The following PTPRD variants were observed in gnomAD, a reference collection of about 807,000 sequenced individuals.
PTPRD encodes the protein receptor-type tyrosine-protein phosphatase delta.
In PTPRD, 34 loss-of-function variants were observed where a neutral mutation model predicts 214.5. The observed-to-expected ratio is 0.16, with a 90% CI of 0.12 to 0.21. The LOEUF is 0.21. PTPRD is among the 10% of genes least tolerant of loss of function. PTPRD has a pLI of 1.00. For missense variants in PTPRD, 2,545 were observed against 2,398.7 expected (o/e 1.06, Z -1.27); for synonymous variants, 1,128 against 845.7 (o/e 1.33, Z -5.79).
chr9:8,668,883 T>C (rs2097220732), intron 12 of PTPRD, among the ~76,000 whole-genome samples: 1 of 152,130 alleles, frequency 6.6e-6, no homozygotes, highest in African/African-American at 2.4e-5. Context: ...CAGAAGCTTG[T>C]GGGAACAATT....
chr9:9,676,952 C>T (rs201205221), intron 7 of PTPRD, among the ~76,000 whole-genome samples: 26 of 152,108 alleles, frequency 1.7e-4, no homozygotes, highest in African/African-American at 3.4e-4. Context: ...TCATATCCTT[C>T]GCCCACTTGT....
intron 11 of PTPRD, among the ~76,000 whole-genome samples, chr9:8,950,202 G>T (rs1256532297): frequency 6.6e-6 from 1 of 152,052 alleles, no homozygotes; most frequent in Non-Finnish European, 1.5e-5. Context: ...ATGGGGTAGG[G>T]GGAACAACCT....
intron 9 of PTPRD, among the ~76,000 whole-genome samples, chr9:9,369,226 C>G (rs1419839644): frequency 6.6e-6 from 1 of 152,116 alleles, no homozygotes; most frequent in Non-Finnish European, 1.5e-5. Flanking sequence ...GTCCCACCAA[C>G]AGTGTAAAAG....
intron 11 of PTPRD, among the ~76,000 whole-genome samples, chr9:8,761,819 T>TA (rs1372492877): frequency 6.6e-6 from 1 of 152,092 alleles, no homozygotes; most frequent in Non-Finnish European, 1.5e-5. Context: ...TCTGCCACAG[T>TA]AGTGGAAGAA....
At chr9:10,265,575 C>G (rs1436104263) in intron 3 of PTPRD, among the ~76,000 whole-genome samples, 1 of 152,152 alleles carries the variant, frequency 6.6e-6, no homozygotes, top group East Asian at 1.9e-4. Flanking sequence ...GCTCTGTGGG[C>G]CATGTGGTCT....
intron 7 of PTPRD, among the ~76,000 whole-genome samples, chr9:9,671,616 T>C (rs994689825): frequency 2.0e-5 from 3 of 152,104 alleles, no homozygotes; most frequent in East Asian, 1.9e-4. Flanking sequence ...CAGTGGGAGA[T>C]AATTTGAATC....
At chr9:8,817,381 T>A (rs1036224488) in intron 11 of PTPRD, among the ~76,000 whole-genome samples, 13 of 152,116 alleles carry the variant, frequency 8.5e-5, no homozygotes, top group Non-Finnish European at 1.0e-4. Context: ...TTCTCAAGAG[T>A]AAAAGTTTTA....
chr9:10,333,305 C>T (rs1409110052), intron 3 of PTPRD, among the ~76,000 whole-genome samples: 3 of 151,676 alleles, frequency 2.0e-5, no homozygotes, highest in Non-Finnish European at 4.4e-5. Flanking sequence ...AGCCTTTGGT[C>T]CCTCGCGTTT....
At chr9:9,899,470 A>C (rs988360008) in intron 5 of PTPRD, among the ~76,000 whole-genome samples, 1 of 152,162 alleles carries the variant, frequency 6.6e-6, no homozygotes, top group African/African-American at 2.4e-5. Context: ...ACAATTCATC[A>C]GGGAAATGCA....
chr9:9,675,073 G>A (rs1468353557), intron 7 of PTPRD, among the ~76,000 whole-genome samples: 1 of 151,806 alleles, frequency 6.6e-6, no homozygotes, highest in Non-Finnish European at 1.5e-5. Context: ...TCTAGCACAT[G>A]GAACAAGTCT....
intron 7 of PTPRD, among the ~76,000 whole-genome samples, chr9:9,591,218 G>C (rs1473562638): frequency 7.7e-6 from 1 of 130,518 alleles, no homozygotes; most frequent in African/African-American, 3.0e-5. Context: ...GAAAGCGTGA[G>C]AGGGAGGAAC....
chr9:9,523,395 C>G (rs760045587), intron 8 of PTPRD, among the ~76,000 whole-genome samples: 5 of 151,962 alleles, frequency 3.3e-5, no homozygotes, highest in African/African-American at 1.2e-4. Context: ...TTAATTTATT[C>G]AAAAAGATTC....
intron 10 of PTPRD, among the ~76,000 whole-genome samples, chr9:9,108,444 T>C (rs543951642): frequency 1.2e-4 from 19 of 152,258 alleles, no homozygotes; most frequent in African/African-American, 1.9e-4. Context: ...GTAACAAATT[T>C]ACTAAACAAA....
intron 4 of PTPRD, among the ~76,000 whole-genome samples, chr9:10,031,546 G>T (rs1434614509): frequency 6.7e-6 from 1 of 149,430 alleles, no homozygotes; most frequent in Non-Finnish European, 1.5e-5. Flanking sequence ...ACTCGGACTG[G>T]CTCTCCTCCT....
intron 3 of PTPRD, among the ~76,000 whole-genome samples, chr9:10,234,935 A>T (rs1338394983): frequency 2.6e-5 from 4 of 151,884 alleles, no homozygotes; most frequent in African/African-American, 9.7e-5. Flanking sequence ...AGATTATAAT[A>T]GTTATAGTTA....
At chr9:8,964,814 A>G (rs2154323470) in intron 11 of PTPRD, among the ~76,000 whole-genome samples, 1 of 152,282 alleles carries the variant, frequency 6.6e-6, no homozygotes, top group African/African-American at 2.4e-5. Context: ...TTTATCCAAA[A>G]GTCATTCAGA....
At chr9:9,559,172 C>T (rs968948645) in intron 8 of PTPRD, among the ~76,000 whole-genome samples, 4 of 151,592 alleles carry the variant, frequency 2.6e-5, no homozygotes, top group East Asian at 3.9e-4. Flanking sequence ...CAGTCTGGGG[C>T]GTGGTTACCC....
chr9:10,357,006 T>C (rs1297531015), intron 2 of PTPRD, among the ~76,000 whole-genome samples: 3 of 152,098 alleles, frequency 2.0e-5, no homozygotes, highest in Non-Finnish European at 4.4e-5. Flanking sequence ...AAAAAGAATA[T>C]AGGCACCACC....
Position 8,485,675 on chromosome 9 carries a change from C to G in PTPRD, c.3055+87G>C. The G allele has an allele frequency of 3.4e-6, 4 of 1,168,348 alleles. No homozygotes were observed. The South Asian group carries it at 4.7e-5, about 14-fold the overall frequency. 72.4% of individuals were successfully genotyped at this position (1,168,348 alleles called of 1,614,324 possible). On this transcript the variant is annotated intron_variant, in intron 28 of 45. Coordinates refer to ENST00000381196, the MANE Select transcript of PTPRD (RefSeq NM_002839.4). ...TGCTGAACCTATTAATATGAATGGG[C>G]TGATCAGTTATTATAGCTTCAAAAT...
Sources: allele counts gnomAD v4.1 joint callset (sites outside exome capture counted in the v4.1 genomes callset), GRCh38; gene constraint gnomAD v4.1.1; transcripts MANE v1.5; gene names NCBI Gene and HGNC (gene_info 2026-07-23, HGNC 2026-07-21).